Variants in RB1CC1 observed in about 807,000 individuals in gnomAD.
The protein encoded by RB1CC1 is RB1 inducible coiled-coil 1.
RB1CC1 carries 46 observed loss-of-function variants against 177.5 expected under a neutral mutation model. The observed-to-expected ratio is 0.26, with a 90% CI of 0.20 to 0.33. The LOEUF is 0.33. Among genes scored for constraint, RB1CC1 ranks in the 10% least tolerant of loss-of-function variants. The pLI, the probability that RB1CC1 is intolerant of heterozygous loss-of-function variation, is 1.00. For missense variants in RB1CC1, 1,703 were observed against 1,816.3 expected (o/e 0.94, Z 1.13); for synonymous variants, 666 against 613.6 (o/e 1.09, Z -1.26).
intron 11 of RB1CC1, 42 bp downstream of exon 11, chr8:52,660,884 T>C (rs748778038): frequency 6.5e-7 from 1 of 1,528,910 alleles, no homozygotes; most frequent in Non-Finnish European, 8.9e-7. Flanking sequence ...TAAAAACTTT[T>C]ATCCTTTACA....
chr8:52,695,954 A>T (rs1855365199), intron 1 of RB1CC1, among the ~76,000 whole-genome samples: 1 of 152,210 alleles, frequency 6.6e-6, no homozygotes, highest in Non-Finnish European at 1.5e-5. Flanking sequence ...GGGCACCGCC[A>T]AACTTGCCAC....
rs1854190450 is a variant in RB1CC1 at position 52,685,467 on chromosome 8, CATG to C, written c.-1_2del. ...TGTTAACCAGAAATACATATAACTT[CATG>C]ATGATTTATCTGAATTCTGTGAGCT... is the stretch of plus-strand genomic sequence containing the variant. On this transcript the variant is annotated start_lost and start_retained_variant and 5_prime_UTR_variant, in exon 3 of 24. Transcript: ENST00000025008. The C allele has an allele frequency of 6.3e-7, 1 of 1,580,320 alleles. No homozygotes were observed. Among genetic ancestry groups the C allele is most frequent in the African/African-American group, 1.3e-5 (1 of 74,192 alleles).
chr8:52,707,866 G>A (rs996770733), intron 1 of RB1CC1, among the ~76,000 whole-genome samples: 1 of 152,108 alleles, frequency 6.6e-6, no homozygotes, highest in Non-Finnish European at 1.5e-5. Flanking sequence ...GCAGACTTAG[G>A]AACAAAATTT....
chr8:52,676,575 T>A lies in RB1CC1; in HGVS notation c.370-4A>T, dbSNP rs765946797. The A allele has an allele frequency of 3.1e-6, 5 of 1,595,294 alleles. No individual in the cohort carries two copies. In the Admixed American group the frequency reaches 8.9e-5, roughly 28 times the overall value. On this transcript the variant is annotated splice_region_variant and splice_polypyrimidine_tract_variant and intron_variant, in intron 5 of 23. Transcript: ENST00000025008. The stretch of plus-strand genomic sequence containing the variant: ...TCTTGGCAACTTCATACATTTCCTA[T>A]ATTGAAAAAGAATACAAAAGAAAGT...
At chr8:52,699,717 G>A (rs1323882252) in intron 1 of RB1CC1, among the ~76,000 whole-genome samples, 1 of 144,892 alleles carries the variant, frequency 6.9e-6, no homozygotes, top group African/African-American at 2.6e-5. Context: ...TACCTGAGAG[G>A]CTGAGGCAAG....
At chr8:52,693,526 T>C (rs1046252068) in intron 1 of RB1CC1, among the ~76,000 whole-genome samples, 3 of 152,156 alleles carry the variant, frequency 2.0e-5, no homozygotes, top group African/African-American at 7.2e-5. Flanking sequence ...TATATCATCT[T>C]ACACCAGTCA....
Position 52,642,522 on chromosome 8 carries a change from ACTT to A in RB1CC1, c.4163_4165del (p.Glu1388del), listed in dbSNP as rs751297061. ...AAAACTGCTACTACGCAACTTACTG[ACTT>A]CTTCTTCAAGCTTTTTCTTTTCCTC... On this transcript the variant is annotated inframe_deletion, in exon 18 of 24. Transcript: ENST00000025008. 26 of 1,614,004 alleles carry A rather than the reference ACTT, an allele frequency of 1.6e-5. No individual in the cohort carries two copies. Among genetic ancestry groups the A allele is most frequent in the South Asian group, 7.7e-5 (7 of 91,072 alleles).
intron 8 of RB1CC1, among the ~76,000 whole-genome samples, chr8:52,665,461 A>G (rs1055879194): frequency 1.3e-5 from 2 of 152,222 alleles, no homozygotes; most frequent in Non-Finnish European, 2.9e-5. Flanking sequence ...GATTGTGCCT[A>G]AAGAAATACT....
intron 2 of RB1CC1, 134 bp from the exon 3 acceptor site, chr8:52,685,654 C>T (rs1440048530): frequency 1.2e-5 from 5 of 407,678 alleles, no homozygotes; most frequent in African/African-American, 2.1e-5. Context: ...TCTAGGATGG[C>T]TAACTGGATA....
At chr8:52,627,761 A>G (rs1452528865) in intron 22 of RB1CC1, among the ~76,000 whole-genome samples, 1 of 152,184 alleles carries the variant, frequency 6.6e-6, no homozygotes, top group African/African-American at 2.4e-5. Flanking sequence ...CTTTGACAAT[A>G]TAATTATCCA....
intron 19 of RB1CC1, 85 bp from the exon 20 acceptor site, chr8:52,635,053 A>C (rs1849029177): frequency 1.6e-6 from 2 of 1,272,414 alleles, no homozygotes; most frequent in Non-Finnish European, 1.1e-6. Flanking sequence ...TTTTCATCAG[A>C]CAAAAATGTT....
At chr8:52,635,497 T>C (rs536503319) in intron 19 of RB1CC1, among the ~76,000 whole-genome samples, 37 of 152,306 alleles carry the variant, frequency 2.4e-4, no homozygotes, top group Non-Finnish European at 5.1e-4. Context: ...TGAACAATGA[T>C]CTGCCAAATG....
rs1204295033 is a variant in RB1CC1, at chr8:52,714,405, C to G, written c.-497G>C. On this transcript the variant is annotated 5_prime_UTR_variant, in exon 1 of 24. Transcript: ENST00000025008. ...GAGGGCTCGGCAGGGCCGCGGACACCGCCGCGGCTTGGTTTGTTATTGTCG... is the reference window on the plus strand; with the variant it reads ...GAGGGCTCGGCAGGGCCGCGGACACGGCCGCGGCTTGGTTTGTTATTGTCG... The G allele has an allele frequency of 6.6e-6, 1 of 152,498 alleles. No individual in the cohort carries two copies. Among genetic ancestry groups the G allele is most frequent in the Non-Finnish European group, 1.5e-5 (1 of 68,112 alleles). The allele number at this position is 152,498 out of a possible 1,614,324, so 9.4% of individuals were successfully genotyped here. A position where few individuals can be genotyped will look rare whatever the true frequency, so the allele number is the denominator to read the frequency against.
chr8:52,634,592 A>G (rs1040959281), intron 20 of RB1CC1, among the ~76,000 whole-genome samples: 1 of 152,196 alleles, frequency 6.6e-6, no homozygotes, highest in Non-Finnish European at 1.5e-5. Flanking sequence ...TTAATCTTCA[A>G]AAGACTTATG....
intron 7 of RB1CC1, among the ~76,000 whole-genome samples, chr8:52,670,902 G>C (rs558431643): frequency 5.3e-5 from 8 of 151,674 alleles, no homozygotes; most frequent in African/African-American, 1.9e-4. Flanking sequence ...GCTGCAGTGA[G>C]CCGAGATCGT....
intron 18 of RB1CC1, among the ~76,000 whole-genome samples, chr8:52,638,957 T>A (rs1228306077): frequency 2.6e-5 from 4 of 152,152 alleles, no homozygotes; most frequent in Non-Finnish European, 5.9e-5. Flanking sequence ...ATGTACTGCA[T>A]TAAATACTAT....
chr8:52,660,189 A>C (rs1445225388), intron 12 of RB1CC1, among the ~76,000 whole-genome samples: 1 of 152,182 alleles, frequency 6.6e-6, no homozygotes, highest in Non-Finnish European at 1.5e-5. Flanking sequence ...ATTTGTCAAA[A>C]TATAAAGGGG....
chr8:52,673,960 G>C lies in RB1CC1; in HGVS notation c.887C>G (p.Thr296Ser), dbSNP rs1237114644. 4 of 1,614,112 alleles carry C rather than the reference G, an allele frequency of 2.5e-6. No homozygotes were observed. Among genetic ancestry groups the C allele is most frequent in the Non-Finnish European group, 3.4e-6 (4 of 1,179,992 alleles). Residue 296 changes from threonine to serine, a missense_variant, in exon 7 of 24, where the codon ACT becomes AGT. Thr to Ser is a moderately conservative substitution (Grantham distance 58). Around this residue, in one of 6 missense-constraint regions of RB1CC1, gnomAD observed 315 missense variants for 304.9 expected, o/e 1.03. Coordinates refer to ENST00000025008, the MANE Select transcript of RB1CC1 (RefSeq NM_014781.5). ...AAAAAAGGGCAGATCACCATCTTTAGTGTCAATCGTAGTTTCATCTTGCTG... is the reference window on the plus strand; with the variant it reads ...AAAAAAGGGCAGATCACCATCTTTACTGTCAATCGTAGTTTCATCTTGCTG... ...VHQQDETTID[T>S]KDGDLPFFNV...
chr8:52,669,865 T>A (rs1852400107), intron 7 of RB1CC1, among the ~76,000 whole-genome samples: 2 of 152,244 alleles, frequency 1.3e-5, no homozygotes, highest in African/African-American at 2.4e-5. Flanking sequence ...ATACAACGTA[T>A]CTGAATTTAA....
Sources: allele counts gnomAD v4.1 joint callset (sites outside exome capture counted in the v4.1 genomes callset), GRCh38; gene constraint gnomAD v4.1.1; regional missense constraint gnomAD v4.1.1; transcripts MANE v1.5; gene names NCBI Gene and HGNC (gene_info 2026-07-23, HGNC 2026-07-21).